Variants in PACRG observed in about 807,000 individuals in gnomAD.
PACRG encodes parkin coregulated gene protein.
Under a neutral mutation model 29.7 loss-of-function variants are expected in PACRG, and 29 were observed. The observed-to-expected ratio is 0.98, with a 90% CI of 0.73 to 1.33. The LOEUF (loss-of-function observed/expected upper bound fraction) is 1.33. Among genes scored for constraint, PACRG ranks in the 40% most tolerant of loss-of-function variants. The pLI, the probability that PACRG is intolerant of heterozygous loss-of-function variation, is 0.00. For missense variants in PACRG, 279 were observed against 316.2 expected, an observed-to-expected ratio of 0.88 and a Z score of 0.89; for synonymous variants, 116 against 118.7, an observed-to-expected ratio of 0.98 and a Z score of 0.15.
intron 2 of PACRG, among the ~76,000 whole-genome samples, chr6:162,934,830 A>T (rs1798117850): frequency 6.6e-6 from 1 of 152,218 alleles, no homozygotes; most frequent in Admixed American, 6.5e-5. Flanking sequence ...TCACTCACAC[A>T]TGCAGGGTTC....
intron 2 of PACRG, among the ~76,000 whole-genome samples, chr6:162,921,064 C>A (rs1383216888): frequency 1.3e-5 from 2 of 152,174 alleles, no homozygotes; most frequent in African/African-American, 4.8e-5. Flanking sequence ...GAACAAACTG[C>A]AATAATTAGC....
At chr6:163,288,154 C>T (rs543180498) in intron 4 of PACRG, among the ~76,000 whole-genome samples, 2 of 152,306 alleles carry the variant, frequency 1.3e-5, no homozygotes, top group Admixed American at 6.5e-5. Flanking sequence ...ATTGCAATTT[C>T]GTCTCATGCG....
At chr6:163,312,444 C>T (rs371212477) in intron 4 of PACRG, among the ~76,000 whole-genome samples, 1 of 152,112 alleles carries the variant, frequency 6.6e-6, no homozygotes, top group South Asian at 2.1e-4. Flanking sequence ...ATGTCAACAA[C>T]GCCTCCTCCC....
chr6:163,013,286 A>G (rs1254535503), intron 2 of PACRG, among the ~76,000 whole-genome samples: 1 of 151,802 alleles, frequency 6.6e-6, no homozygotes, highest in Non-Finnish European at 1.5e-5. Context: ...TTATTTATTT[A>G]TTTATTTTGG....
At chr6:162,995,136 C>G (rs1584961223) in intron 2 of PACRG, among the ~76,000 whole-genome samples, 1 of 150,546 alleles carries the variant, frequency 6.6e-6, no homozygotes, top group Non-Finnish European at 1.5e-5. Flanking sequence ...AACCACTGCT[C>G]TCTTCAAAGC....
chr6:162,761,370 T>G (rs1782342288), intron 1 of PACRG, among the ~76,000 whole-genome samples: 1 of 152,208 alleles, frequency 6.6e-6, no homozygotes, highest in Admixed American at 6.5e-5. Context: ...TTTTATTTCT[T>G]ACTACAATTC....
intron 4 of PACRG, among the ~76,000 whole-genome samples, chr6:163,233,920 A>G (rs1019501823): frequency 6.6e-6 from 1 of 152,214 alleles, no homozygotes; most frequent in African/African-American, 2.4e-5. Context: ...GAGACATTCA[A>G]ATAGAAATAT....
At chr6:162,885,950 T>C (rs1478443543) in intron 2 of PACRG, among the ~76,000 whole-genome samples, 1 of 152,224 alleles carries the variant, frequency 6.6e-6, no homozygotes, top group Non-Finnish European at 1.5e-5. Context: ...ATTGTTACAA[T>C]ATTGTTATTT....
chr6:163,105,258 C>T (rs1481800307), intron 4 of PACRG, among the ~76,000 whole-genome samples: 3 of 152,072 alleles, frequency 2.0e-5, no homozygotes, highest in Non-Finnish European at 2.9e-5. Flanking sequence ...GTACCAAGCA[C>T]ACCTATTAAA....
intron 1 of PACRG, among the ~76,000 whole-genome samples, chr6:162,747,894 A>G (rs1781208959): frequency 1.3e-5 from 2 of 152,112 alleles, no homozygotes; most frequent in African/African-American, 4.8e-5. Flanking sequence ...CCATTAGGAG[A>G]CACCTGGGCT....
intron 2 of PACRG, among the ~76,000 whole-genome samples, chr6:163,020,098 T>G (rs538334553): frequency 4.6e-5 from 7 of 152,346 alleles, no homozygotes; most frequent in African/African-American, 1.7e-4. Context: ...TCATTTAAAC[T>G]GTCAGGGTAA....
intron 4 of PACRG, among the ~76,000 whole-genome samples, chr6:163,234,258 G>C (rs994609540): frequency 6.6e-6 from 1 of 152,124 alleles, no homozygotes; most frequent in African/African-American, 2.4e-5. Context: ...AGGGTCATGG[G>C]GGGTGCAGAT....
chr6:163,137,119 T>C lies in PACRG; in HGVS notation c.613+47711T>C, dbSNP rs567803132. The stretch of plus-strand genomic sequence containing the variant: ...CTAGCAGTATTTTTGAAACATGAAA[T>C]AGGCGTTTTGTCTGGAGAAGCCTTA... On this transcript the variant is annotated intron_variant, in intron 4 of 4. Transcript: ENST00000366888. 9.8e-5 allele frequency among the ~76,000 whole-genome samples: 15 copies of C among 152,336 alleles called. No homozygotes were observed. In the South Asian group the frequency reaches 2.7e-3, roughly 27 times the overall value.
intron 4 of PACRG, among the ~76,000 whole-genome samples, chr6:163,297,364 A>G (rs1156267215): frequency 6.6e-6 from 1 of 152,230 alleles, no homozygotes; most frequent in Non-Finnish European, 1.5e-5. Flanking sequence ...AGCTGTCTGC[A>G]CTGTCCCTAG....
At chr6:162,880,642 A>G (rs1156327395) in intron 2 of PACRG, among the ~76,000 whole-genome samples, 7 of 152,242 alleles carry the variant, frequency 4.6e-5, no homozygotes, top group Admixed American at 4.6e-4. Context: ...TGACTATTAA[A>G]CAAGAATGCT....
intron 1 of PACRG, among the ~76,000 whole-genome samples, chr6:162,742,260 A>G (rs1780657250): frequency 6.6e-6 from 1 of 152,096 alleles, no homozygotes; most frequent in African/African-American, 2.4e-5. Context: ...CCCTCATACT[A>G]TTCTCGTGGT....
intron 4 of PACRG, among the ~76,000 whole-genome samples, chr6:163,217,796 C>T (rs1050173769): frequency 8.6e-5 from 13 of 151,792 alleles, no homozygotes; most frequent in Non-Finnish European, 5.9e-5. Context: ...AATCTAATGC[C>T]TGATGATCTG....
chr6:162,728,364 A>C lies in PACRG; in HGVS notation c.129A>C (p.Thr43=), dbSNP rs1779442897. The C allele has an allele frequency of 3.1e-6, 5 of 1,613,476 alleles. No homozygotes were observed. Among genetic ancestry groups the C allele is most frequent in the East Asian group, 2.2e-5 (1 of 44,870 alleles). The change falls in exon 1 of 5, where the codon ACA becomes ACC. Residue 43 remains threonine (T), a synonymous_variant. Coordinates refer to ENST00000366888, the MANE Select transcript of PACRG (RefSeq NM_001080379.2). ...ACTCTCTGGTTTCTGAGGGTTTCAC[A>C]GTCAAAGCCATGATGAAAAACTCAG... The part of the protein sequence containing the change: ...QPHSLVSEGF[T]VKAMMKNSVV...
At chr6:163,272,414 A>C (rs1042083282) in intron 4 of PACRG, among the ~76,000 whole-genome samples, 3 of 152,136 alleles carry the variant, frequency 2.0e-5, no homozygotes, top group African/African-American at 7.2e-5. Flanking sequence ...TCCAGGTGTA[A>C]ATTTTAGAAA....
Sources: allele counts gnomAD v4.1 joint callset (sites outside exome capture counted in the v4.1 genomes callset), GRCh38; gene constraint gnomAD v4.1.1; transcripts MANE v1.5; gene names NCBI Gene and HGNC (gene_info 2026-07-23, HGNC 2026-07-21).